Variants in FRMPD2 observed in about 807,000 individuals in gnomAD.
FRMPD2 encodes FERM and PDZ domain-containing protein 2.
Under a neutral mutation model 140.1 loss-of-function variants are expected in FRMPD2, and 96 were observed. The ratio of observed to expected loss-of-function variants is 0.69; its 90% CI spans 0.58 to 0.81. The LOEUF (loss-of-function observed/expected upper bound fraction) is 0.81. Among genes scored for constraint, FRMPD2 ranks in the 40% least tolerant of loss-of-function variants. The probability of loss-of-function intolerance (pLI) is 0.00; values close to 1 mark genes in which losing one functional copy is unlikely to be tolerated. For synonymous variants in FRMPD2, 449 were observed against 547.6 expected, an observed-to-expected ratio of 0.82 and a Z score of 2.52; for missense variants, 1,240 against 1,447.4, an observed-to-expected ratio of 0.86 and a Z score of 2.32.
intron 1 of FRMPD2, among the ~76,000 whole-genome samples, chr10:48,269,317 G>A (rs993779111): frequency 4.6e-5 from 7 of 152,198 alleles, no homozygotes; most frequent in Non-Finnish European, 8.8e-5. Flanking sequence ...TTGAGAACAT[G>A]TATTTGCCAA....
intron 15 of FRMPD2, among the ~76,000 whole-genome samples, chr10:48,200,953 G>C (rs531029818): frequency 1.3e-5 from 2 of 152,306 alleles, no homozygotes; most frequent in African/African-American, 4.8e-5. Context: ...AAATTATGGG[G>C]CCAAGAGGAC....
At chr10:48,227,554 G>C (rs958176595) in intron 10 of FRMPD2, among the ~76,000 whole-genome samples, 1 of 152,192 alleles carries the variant, frequency 6.6e-6, no homozygotes, top group Non-Finnish European at 1.5e-5. Context: ...TGGATCTCGA[G>C]GGGGGTACTG....
At position 48,183,851 on chromosome 10, in the gene FRMPD2, C is replaced by CAAAAAAAAAAAAAAAAAAAAAAAAAA. The variant is rs57389978; in HGVS notation, c.2584+714_2584+715insTTTTTTTTTTTTTTTTTTTTTTTTTT. Among the ~76,000 whole-genome samples, 17 of 76,746 alleles carry CAAAAAAAAAAAAAAAAAAAAAAAAAA rather than the reference C, an allele frequency of 2.2e-4. 1 individual carries two copies. Among genetic ancestry groups the CAAAAAAAAAAAAAAAAAAAAAAAAAA allele is most frequent in the African/African-American group, 8.6e-4 (15 of 17,532 alleles). The allele number at this position is 76,746 out of a possible 152,430, so 50.3% of individuals were successfully genotyped here. A position where few individuals can be genotyped will look rare whatever the true frequency, so the allele number is the denominator to read the frequency against. ...TGGGTGAAAGAGTGAGACTCCATCT[C>CAAAAAAAAAAAAAAAAAAAAAAAAAA]AAAAAAAAAAAAGGAAAATCAAATA... On this transcript the variant is annotated intron_variant, in intron 20 of 28. Transcript: ENST00000374201.
At chr10:48,223,421 G>A (rs1839655427) in intron 10 of FRMPD2, 151 bp from the exon 11 acceptor site, 1 of 625,654 alleles carries the variant, frequency 1.6e-6, no homozygotes, top group Admixed American at 3.2e-5. Context: ...TGGTAGCAAG[G>A]AACCTTTGTT....
chr10:48,221,294 G>C (rs955979674), intron 12 of FRMPD2, among the ~76,000 whole-genome samples: 1 of 152,134 alleles, frequency 6.6e-6, no homozygotes, highest in Non-Finnish European at 1.5e-5. Context: ...CAGCAGCCTA[G>C]GTGGAATTAG....
At chr10:48,216,511 G>C (rs1457774242) in intron 12 of FRMPD2, among the ~76,000 whole-genome samples, 2 of 152,108 alleles carry the variant, frequency 1.3e-5, no homozygotes, top group Admixed American at 6.6e-5. Context: ...CTGGCCTGCT[G>C]TCCCCAACAA....
chr10:48,263,706 T>C (rs909616293), intron 1 of FRMPD2, among the ~76,000 whole-genome samples: 2 of 152,108 alleles, frequency 1.3e-5, no homozygotes, highest in Non-Finnish European at 2.9e-5. Flanking sequence ...ACTGTTAAAG[T>C]CTACCAAACA....
At chr10:48,252,516 G>A (rs1840408318) in intron 1 of FRMPD2, among the ~76,000 whole-genome samples, 1 of 151,812 alleles carries the variant, frequency 6.6e-6, no homozygotes, top group Non-Finnish European at 1.5e-5. Flanking sequence ...CGCTAGATGG[G>A]GAGCACATAG....
chr10:48,272,684 T>C (rs1269638073), intron 1 of FRMPD2, among the ~76,000 whole-genome samples: 1 of 152,186 alleles, frequency 6.6e-6, no homozygotes, highest in Non-Finnish European at 1.5e-5. Flanking sequence ...CTAAGAAAAC[T>C]AAGAAAGTGA....
intron 25 of FRMPD2, 123 bp downstream of exon 25, chr10:48,172,823 C>T (rs1838296626): frequency 1.2e-6 from 1 of 858,738 alleles, no homozygotes. Context: ...AGCATGATCA[C>T]TATGGCTCGC....
At chr10:48,219,447 C>G (rs1839529778) in intron 12 of FRMPD2, among the ~76,000 whole-genome samples, 1 of 152,106 alleles carries the variant, frequency 6.6e-6, no homozygotes, top group African/African-American at 2.4e-5. Flanking sequence ...CCTCTCTGCT[C>G]CTACTGATAC....
At chr10:48,213,940 G>A (rs753280969) in intron 12 of FRMPD2, among the ~76,000 whole-genome samples, 9 of 152,166 alleles carry the variant, frequency 5.9e-5, no homozygotes, top group Non-Finnish European at 1.2e-4. Flanking sequence ...GAGACCGGGA[G>A]CCAGGAAGAA....
intron 1 of FRMPD2, among the ~76,000 whole-genome samples, chr10:48,255,449 A>C (rs1420442024): frequency 6.6e-6 from 1 of 152,072 alleles, no homozygotes; most frequent in Non-Finnish European, 1.5e-5. Context: ...CCTGAGCTTC[A>C]TCTGTGAGGC....
At chr10:48,264,640 T>G (rs1037814000) in intron 1 of FRMPD2, among the ~76,000 whole-genome samples, 1 of 152,142 alleles carries the variant, frequency 6.6e-6, no homozygotes, top group Non-Finnish European at 1.5e-5. Flanking sequence ...TAAAAATATT[T>G]GTTTTAAATA....
At chr10:48,253,565 G>A (rs763014695) in intron 1 of FRMPD2, among the ~76,000 whole-genome samples, 1 of 152,052 alleles carries the variant, frequency 6.6e-6, no homozygotes. Flanking sequence ...TACTTGGAGG[G>A]GAGACTGTCA....
chr10:48,175,632 G>A (rs1588806100), intron 23 of FRMPD2, among the ~76,000 whole-genome samples: 2 of 152,090 alleles, frequency 1.3e-5, no homozygotes, highest in East Asian at 3.9e-4. Flanking sequence ...ATGCTTCCCA[G>A]TGTGCCACTG....
Position 48,197,486 on chromosome 10 carries a change from A to C in FRMPD2, c.1954+3742T>G, listed in dbSNP as rs191867817. The stretch of plus-strand genomic sequence containing the variant: ...CTCCCCTGAGTCTACTGGACTCCAC[A>C]GGCCACATTCCAAGTTAGTGTTTCT... On this transcript the variant is annotated intron_variant, in intron 15 of 28. Transcript: ENST00000374201. 4.5e-3 allele frequency among the ~76,000 whole-genome samples: 691 copies of C among 152,364 alleles called. 3 individuals are homozygous for C. The highest frequency in any genetic ancestry group is 7.6e-3 in the Admixed American group (117 of 15,312).
intron 12 of FRMPD2, among the ~76,000 whole-genome samples, chr10:48,219,916 G>A (rs553240460): frequency 4.7e-4 from 71 of 152,262 alleles, no homozygotes; most frequent in African/African-American, 1.5e-3. Flanking sequence ...GGAGTAACAC[G>A]TCTGGGCTCA....
At chr10:48,181,336 T>A (rs534286059) in intron 20 of FRMPD2, among the ~76,000 whole-genome samples, 28 of 152,384 alleles carry the variant, frequency 1.8e-4, no homozygotes, top group Non-Finnish European at 1.9e-4. Flanking sequence ...GATATGGACA[T>A]CTTCCCATCT....
Sources: gnomAD v4.1 joint callset for allele counts (sites outside exome capture counted in the v4.1 genomes callset) on GRCh38, gnomAD v4.1.1 for gene constraint, MANE v1.5 for transcripts, NCBI Gene and HGNC (gene_info 2026-07-23, HGNC 2026-07-21) for gene names.